The following UBE2L3 variants were observed in gnomAD, a reference collection of about 807,000 sequenced individuals.
The protein encoded by UBE2L3 is ubiquitin conjugating enzyme E2 L3.
UBE2L3 carries 1 observed loss-of-function variant against 17.8 expected under a neutral mutation model. That is an observed-to-expected ratio of 0.06 (90% CI 0.02 to 0.27). The LOEUF (loss-of-function observed/expected upper bound fraction) is 0.27, where lower values mean the gene tolerates loss of function less well. Among genes scored for constraint, UBE2L3 ranks in the 10% least tolerant of loss-of-function variants. UBE2L3 has a pLI of 1.00. For synonymous variants in UBE2L3, 44 were observed against 68.5 expected (o/e 0.64, Z 1.76); for missense variants, 40 against 192.6 (o/e 0.21, Z 4.69).
intron 1 of UBE2L3, among the ~76,000 whole-genome samples, chr22:21,584,706 A>G (rs987044379): frequency 6.7e-6 from 1 of 150,230 alleles, no homozygotes; most frequent in Non-Finnish European, 1.5e-5. Flanking sequence ...TGCTGGGATT[A>G]CAGGAGCACT....
upstream of UBE2L3, chr22:21,567,510 G>A: frequency 1.2e-6 from 1 of 823,356 alleles, no homozygotes; most frequent in Non-Finnish European, 1.8e-6. Context: ...TATGTGCCAG[G>A]CACTGGTTGT....
intron 1 of UBE2L3, among the ~76,000 whole-genome samples, chr22:21,551,888 CAGCTGCAGAAGAA>C (rs1316676986): frequency 1.8e-4 from 6 of 33,470 alleles, no homozygotes; most frequent in South Asian, 8.5e-4. Context: ...CACACACACA[CAGCTGCAGAAGAA>C]ACATACACAC....
At chr22:21,611,983 G>C (rs1929505054) in intron 3 of UBE2L3, among the ~76,000 whole-genome samples, 1 of 152,088 alleles carries the variant, frequency 6.6e-6, no homozygotes, top group Admixed American at 6.6e-5. Context: ...TACCTTACCA[G>C]GTGCACGCAA....
At chr22:21,609,220 A>G (rs1293156800) in intron 2 of UBE2L3, among the ~76,000 whole-genome samples, 3 of 152,190 alleles carry the variant, frequency 2.0e-5, no homozygotes, top group East Asian at 1.9e-4. Context: ...AAAACTAAAC[A>G]TATGTCTTAC....
At chr22:21,618,288 A>T (rs963473378) in intron 3 of UBE2L3, among the ~76,000 whole-genome samples, 1 of 151,700 alleles carries the variant, frequency 6.6e-6, no homozygotes, top group Admixed American at 6.6e-5. Context: ...TTATTTTGCC[A>T]GGTGCAGTGG....
At chr22:21,567,794 G>C in intron 1 of UBE2L3, 23 bp downstream of exon 1, 1 of 1,574,134 alleles carries the variant, frequency 6.4e-7, no homozygotes, top group Non-Finnish European at 8.6e-7. Context: ...CTCTGGCAGC[G>C]GCCGGGCGTG....
At chr22:21,598,797 G>A (rs976338844) in intron 2 of UBE2L3, among the ~76,000 whole-genome samples, 3 of 151,106 alleles carry the variant, frequency 2.0e-5, no homozygotes, top group Non-Finnish European at 4.4e-5. Flanking sequence ...GCCTCCCAAA[G>A]TGCTGGAATT....
intron 2 of UBE2L3, among the ~76,000 whole-genome samples, chr22:21,602,679 A>G (rs767994108): frequency 6.6e-6 from 1 of 152,258 alleles, no homozygotes; most frequent in Non-Finnish European, 1.5e-5. Flanking sequence ...AGCTGCCACA[A>G]AATGGCTTTG....
At position 21,604,316 on chromosome 22, in the gene UBE2L3, C is replaced by T. The variant is rs1032759893; in HGVS notation, c.124-6541C>T. Among the ~76,000 whole-genome samples the T allele has an allele frequency of 4.6e-5, 7 of 152,028 alleles. No individual in the cohort carries two copies. The East Asian group carries it at 5.8e-4, about 13-fold the overall frequency. On this transcript the variant is annotated intron_variant, in intron 2 of 3. Coordinates refer to ENST00000342192, the MANE Select transcript of UBE2L3 (RefSeq NM_003347.4). ...GAGTTCAAGACCATCCTGGGCAACA[C>T]GGTGAAACCCCGTCTCTACTAAAAT...
intron 3 of UBE2L3, among the ~76,000 whole-genome samples, chr22:21,615,690 GT>G: frequency 6.6e-6 from 1 of 152,314 alleles, no homozygotes; most frequent in African/African-American, 2.4e-5. Context: ...ACTCACTAAA[GT>G]TTTTTGTAGC....
chr22:21,575,284 G>GA (rs1217285270), intron 1 of UBE2L3, among the ~76,000 whole-genome samples: 1 of 148,112 alleles, frequency 6.8e-6, no homozygotes, highest in Non-Finnish European at 1.5e-5. Flanking sequence ...AAAAGAAAAG[G>GA]AAAAAGAAAA....
chr22:21,566,103 G>C (rs1926622663), upstream of UBE2L3, among the ~76,000 whole-genome samples: 1 of 151,606 alleles, frequency 6.6e-6, no homozygotes, highest in African/African-American at 2.4e-5. Context: ...ATCCAGAGTA[G>C]CTGGGATTAC....
At chr22:21,576,547 C>G (rs529669832) in intron 1 of UBE2L3, among the ~76,000 whole-genome samples, 1 of 152,032 alleles carries the variant, frequency 6.6e-6, no homozygotes, top group Non-Finnish European at 1.5e-5. Context: ...ATCCTCCTGC[C>G]TCGGTCTCCC....
intron 1 of UBE2L3, among the ~76,000 whole-genome samples, chr22:21,561,617 C>G (rs1163115080): frequency 1.3e-5 from 2 of 152,274 alleles, no homozygotes; most frequent in Non-Finnish European, 2.9e-5. Context: ...ATCTTCCTGT[C>G]AGCTTACCTA....
At position 21,597,676 on chromosome 22, in the gene UBE2L3, G is replaced by C. The variant is rs955423647; in HGVS notation, c.123+4720G>C. Among the ~76,000 whole-genome samples the C allele has an allele frequency of 2.7e-5, 4 of 147,944 alleles. No individual in the cohort carries two copies. In the East Asian group the frequency reaches 8.1e-4, roughly 30 times the overall value. ...ACTTTGGTTTGATTTTTAAGACACT[G>C]TTGCCAAATCCAAGGTCATGCAAAT... On this transcript the variant is annotated intron_variant, in intron 2 of 3. Transcript: ENST00000342192.
upstream of UBE2L3, among the ~76,000 whole-genome samples, chr22:21,565,603 A>G (rs1926596755): frequency 6.6e-6 from 1 of 150,960 alleles, no homozygotes; most frequent in Admixed American, 6.6e-5. Context: ...AAATACAAAA[A>G]TTAGCTGGGC....
At chr22:21,557,956 C>T (rs1306027603) in intron 1 of UBE2L3, among the ~76,000 whole-genome samples, 1 of 149,940 alleles carries the variant, frequency 6.7e-6, no homozygotes, top group Non-Finnish European at 1.5e-5. Context: ...CACACACACA[C>T]AACACACACA....
At chr22:21,567,928 C>T in intron 1 of UBE2L3, 157 bp downstream of exon 1, 1 of 1,469,126 alleles carries the variant, frequency 6.8e-7, no homozygotes. Context: ...AAGGTGCTAA[C>T]GGGGCTGGCC....
intron 2 of UBE2L3, among the ~76,000 whole-genome samples, chr22:21,594,117 ATC>A (rs1285878080): frequency 1.3e-5 from 2 of 152,018 alleles, no homozygotes; most frequent in Non-Finnish European, 2.9e-5. Flanking sequence ...GTTCTTCCTC[ATC>A]CACTCACCTT....
Sources: gnomAD v4.1 joint callset for allele counts (sites outside exome capture counted in the v4.1 genomes callset) on GRCh38, gnomAD v4.1.1 for gene constraint, MANE v1.5 for transcripts, NCBI Gene and HGNC (gene_info 2026-07-23, HGNC 2026-07-21) for gene names.